Variants in NOMO1 observed in about 807,000 individuals in gnomAD.
NOMO1 encodes nodal modulator 3.
In NOMO1, 40 loss-of-function variants were observed where a neutral mutation model predicts 133.8. That is an observed-to-expected ratio of 0.30 (90% CI 0.23 to 0.39). The LOEUF (loss-of-function observed/expected upper bound fraction) is 0.39. NOMO1 is among the 10% of genes least tolerant of loss of function. The pLI is 1.00. For missense variants in NOMO1, 462 were observed against 1,419.9 expected (o/e 0.33, Z 10.84); for synonymous variants, 236 against 570.5 (o/e 0.41, Z 8.36).
intron 1 of NOMO1, among the ~76,000 whole-genome samples, chr16:14,836,694 C>CTGATTTTTTTTT (rs1441454921): frequency 1.5e-5 from 2 of 131,272 alleles, no homozygotes; most frequent in African/African-American, 5.7e-5. Flanking sequence ...TTCCATTTTA[C>CTGATTTTTTTTT]TTTTTTTTTT....
rs764945230 is a variant in NOMO1 at position 14,868,632 on chromosome 16, C to T, written c.1891C>T (p.Pro631Ser). The T allele has an allele frequency of 6.3e-7, 1 of 1,580,314 alleles. No individual in the cohort carries two copies. The highest frequency in any genetic ancestry group is 1.4e-5 in the African/African-American group (1 of 71,238). The change falls in exon 16 of 31, where the codon CCT (proline) becomes TCT (serine). Residue 631 changes from proline to serine, a missense_variant. Physicochemically the swap from Pro to Ser is moderately conservative, Grantham distance 74 (BLOSUM62 -1). Transcript: ENST00000287667. ...AGTCAACCGATTCTGCCTGTCCAAG[C>T]CTGGTAAGTTTGGAAGGATTGATGT... ...KGVNRFCLSK[P>S]GVYKVTPRSC... is the part of the protein sequence containing the mutation.
rs1487228660 is a variant in NOMO1, at chr16:14,875,217, C to A, written c.2236C>A (p.Gln746Lys). The part of the protein sequence containing the change: ...PPVQEMVDEL[Q>K]GPFSYDFSYW... ...CGTGCAGGAGATGGTAGATGAGTTACAAGGCCCCTTCTCGTATGATTTCTC... is the reference window on the plus strand; with the variant it reads ...CGTGCAGGAGATGGTAGATGAGTTAAAAGGCCCCTTCTCGTATGATTTCTC... The change falls in exon 19 of 31, where the codon CAA becomes AAA. Residue 746 changes from glutamine (Q) to lysine (K), a missense_variant. By Grantham distance (53) the Gln-to-Lys change is moderately conservative. Transcript: ENST00000287667. 6.2e-7 allele frequency: 1 copy of A among 1,613,050 alleles called. No individual in the cohort carries two copies.
At position 14,895,856 on chromosome 16, in the gene NOMO1, T is replaced by TC. The variant is rs1219961963; in HGVS notation, c.*213dup. On this transcript the variant is annotated 3_prime_UTR_variant, in exon 31 of 31. Transcript: ENST00000287667. ...CTCGTGCAATGCAATGAATGGACCC[T>TC]CCTGTCACTCTGCTGAACAGAATTT... The TC allele has an allele frequency of 9.7e-6, 15 of 1,554,220 alleles. No individual in the cohort carries two copies. Among genetic ancestry groups the TC allele is most frequent in the African/African-American group, 1.4e-5 (1 of 73,376 alleles).
Position 14,857,519 on chromosome 16 carries a change from G to C in NOMO1, c.1084G>C (p.Asp362His). 1 of 1,609,986 alleles carries C rather than the reference G, an allele frequency of 6.2e-7. No homozygotes were observed. Among genetic ancestry groups the C allele is most frequent in the Non-Finnish European group, 8.5e-7 (1 of 1,178,450 alleles). ...NNQIKVKTKA[D>H]GSFRLENITT... is the part of the protein sequence containing the mutation. ...TTGTTTTACAGTTAAAACAAAAGCT[G>C]ATGGCTCATTCCGCCTTGAGAACAT... The change falls in exon 11 of 31, where the codon GAT becomes CAT. Residue 362 changes from aspartate (D) to histidine (H), a missense_variant. Asp to His is a moderately conservative substitution (Grantham distance 81, BLOSUM62 -1). Transcript: ENST00000287667.
chr16:14,895,054 G>T lies in NOMO1; in HGVS notation c.3501G>T (p.Thr1167=). The part of the protein sequence containing the change: ...AQGSYIALPL[T]LLVLLAGYNH... ...GATCCTACATTGCCCTGCCATTGAC[G>T]CTGCTGGTTCTGCTGGCCGGTTACA... is the stretch of plus-strand genomic sequence containing the variant. Residue 1167 remains threonine, a synonymous_variant, in exon 30 of 31, where the codon ACG becomes ACT. Transcript: ENST00000287667. 6.2e-7 allele frequency: 1 copy of T among 1,609,576 alleles called. No homozygotes were observed.
intron 30 of NOMO1, among the ~76,000 whole-genome samples, chr16:14,895,304 A>G (rs2151014857): frequency 6.9e-6 from 1 of 145,910 alleles, no homozygotes; most frequent in African/African-American, 2.6e-5. Context: ...GAACACCTCT[A>G]GGGACATATT....
intron 9 of NOMO1, among the ~76,000 whole-genome samples, chr16:14,855,495 G>A (rs1322994513): frequency 1.3e-5 from 2 of 151,794 alleles, no homozygotes; most frequent in African/African-American, 4.9e-5. Context: ...AAAGTACTGT[G>A]TTAAAATCGC....
intron 12 of NOMO1, 65 bp from the exon 13 acceptor site, chr16:14,864,520 C>A: frequency 6.2e-7 from 1 of 1,606,142 alleles, no homozygotes; most frequent in Non-Finnish European, 8.5e-7. Flanking sequence ...TGTTCTAGCG[C>A]CCTGTAGGTC....
At chr16:14,860,195 G>A (rs1963901963) in intron 11 of NOMO1, among the ~76,000 whole-genome samples, 2 of 151,830 alleles carry the variant, frequency 1.3e-5, no homozygotes, top group African/African-American at 4.9e-5. Context: ...GGTGAAACCC[G>A]GTCTGTACTA....
rs1475604736 is a variant in NOMO1, at chr16:14,864,663, C to T, written c.1474C>T (p.Pro492Ser). ...ATTTCCTCTTACTGTGACCAACAGG[C>T]CCATGATGGATGTGGCCTTTGTACA... The part of the protein sequence containing the change: ...QTFPLTVTNR[P>S]MMDVAFVQFL... The change falls in exon 13 of 31, where the codon CCC becomes TCC. Residue 492 changes from proline (P) to serine (S), a missense_variant. Physicochemically the swap from Pro to Ser is moderately conservative, Grantham distance 74. Coordinates refer to ENST00000287667, the MANE Select transcript of NOMO1 (RefSeq NM_014287.4). 6.2e-7 allele frequency: 1 copy of T among 1,612,746 alleles called. No homozygotes were observed. The highest frequency in any genetic ancestry group is 1.3e-5 in the African/African-American group (1 of 74,214).
At chr16:14,887,128 A>G (rs1386007725) in intron 28 of NOMO1, among the ~76,000 whole-genome samples, 1 of 152,112 alleles carries the variant, frequency 6.6e-6, no homozygotes, top group African/African-American at 2.4e-5. Context: ...TAACACGGTG[A>G]TTGGTATCCT....
intron 17 of NOMO1, 58 bp from the exon 18 acceptor site, chr16:14,872,176 T>G: frequency 1.3e-6 from 1 of 796,110 alleles, no homozygotes; most frequent in Admixed American, 2.1e-5. Flanking sequence ...AAAAGGGTAT[T>G]GCTGATGATC....
intron 18 of NOMO1, among the ~76,000 whole-genome samples, chr16:14,873,905 TTTCTTGA>T (rs1215715151): frequency 1.3e-5 from 2 of 151,670 alleles, no homozygotes; most frequent in African/African-American, 4.9e-5. Flanking sequence ...TTTCTCCTTG[TTTCTTGA>T]TTCTTATTTC....
intron 2 of NOMO1, among the ~76,000 whole-genome samples, chr16:14,840,830 T>A (rs997911844): frequency 1.4e-5 from 2 of 146,256 alleles, no homozygotes; most frequent in African/African-American, 5.1e-5. Flanking sequence ...CCCAGCTGAT[T>A]TTTTAAGAAC....
At chr16:14,889,900 T>C (rs2151012579) in intron 29 of NOMO1, among the ~76,000 whole-genome samples, 1 of 151,794 alleles carries the variant, frequency 6.6e-6, no homozygotes, top group East Asian at 1.9e-4. Context: ...TAGAACCAAC[T>C]GCTACTTTAC....
In NOMO1 at chr16:14,853,609, G is replaced by A. The variant is rs761458467; in HGVS notation, c.873+5G>A. On this transcript the variant is annotated splice_donor_5th_base_variant and intron_variant, in intron 8 of 30. Coordinates refer to ENST00000287667, the MANE Select transcript of NOMO1 (RefSeq NM_014287.4). ...CCAAGTGGGGGCTACACTGTGGTGA[G>A]TAAAGCAGATTTCCGTTCTGTTTAT... is the stretch of plus-strand genomic sequence containing the variant. 6.2e-7 allele frequency: 1 copy of A among 1,611,490 alleles called. No individual in the cohort carries two copies. Among genetic ancestry groups the A allele is most frequent in the Non-Finnish European group, 8.5e-7 (1 of 1,179,812 alleles).
At chr16:14,880,739 T>C (rs1964230738) in intron 24 of NOMO1, among the ~76,000 whole-genome samples, 1 of 152,100 alleles carries the variant, frequency 6.6e-6, no homozygotes, top group Non-Finnish European at 1.5e-5. Context: ...GGAGAAAATG[T>C]GCTCAGTTGA....
chr16:14,881,553 C>T lies in NOMO1; in HGVS notation c.2895C>T (p.Gly965=). Residue 965 remains glycine (G), a synonymous_variant, in exon 25 of 31, where the codon GGC becomes GGT. Transcript: ENST00000287667. ...GTTCTTGCCATACTAGTTGCTATGG[C>T]ACAGTGTCTTCCTTAAACGGAGAGC... ...TGYRTAYSCY[G]TVSSLNGEPE... 6.2e-7 allele frequency: 1 copy of T among 1,608,882 alleles called. No homozygotes were observed. Among genetic ancestry groups the T allele is most frequent in the South Asian group, 1.1e-5 (1 of 90,800 alleles).
chr16:14,866,309 G>A (rs1170575400), intron 14 of NOMO1, among the ~76,000 whole-genome samples: 4 of 150,316 alleles, frequency 2.7e-5, no homozygotes, highest in Non-Finnish European at 5.9e-5. Flanking sequence ...ATCCAAGTGC[G>A]TCGGCCTCCC....
Sources: gnomAD v4.1 joint callset for allele counts (sites outside exome capture counted in the v4.1 genomes callset) on GRCh38, gnomAD v4.1.1 for gene constraint, MANE v1.5 for transcripts, NCBI Gene and HGNC (gene_info 2026-07-23, HGNC 2026-07-21) for gene names.